WWC2: variants seen among roughly 807,000 people sequenced by gnomAD.
The protein encoded by WWC2 is protein WWC2.
Under a neutral mutation model 138.5 loss-of-function variants are expected in WWC2, and 101 were observed. That is an observed-to-expected ratio of 0.73 (90% confidence interval 0.62 to 0.86). WWC2 has a LOEUF of 0.86. WWC2 is among the 40% of genes least tolerant of loss of function. WWC2 has a pLI of 0.00. For synonymous variants in WWC2, 558 were observed against 538.4 expected (o/e 1.04, Z -0.50); for missense variants, 1,420 against 1,419.4 (o/e 1.00, Z -0.01).
At chr4:183,196,874 G>A (rs1022710557) in intron 2 of WWC2, among the ~76,000 whole-genome samples, 1 of 152,160 alleles carries the variant, frequency 6.6e-6, no homozygotes, top group African/African-American at 2.4e-5. Flanking sequence ...CATTCTGGTC[G>A]AGTGCCCCAT....
intron 9 of WWC2, among the ~76,000 whole-genome samples, chr4:183,258,117 C>T (rs1737207218): frequency 6.6e-6 from 1 of 152,292 alleles, no homozygotes. Context: ...TTAATAAAAG[C>T]AATATTGAGT....
intron 2 of WWC2, 33 bp downstream of exon 2, chr4:183,193,741 T>A (rs1471768511): frequency 6.5e-7 from 1 of 1,537,128 alleles, no homozygotes; most frequent in Non-Finnish European, 8.9e-7. Flanking sequence ...AGCAAACATA[T>A]CAGAAAAGTA....
chr4:183,211,403 T>A (rs1302448717), intron 4 of WWC2, among the ~76,000 whole-genome samples: 1 of 152,244 alleles, frequency 6.6e-6, no homozygotes, highest in African/African-American at 2.4e-5. Context: ...TGCACATTAA[T>A]GTGTAATTTT....
intron 1 of WWC2, among the ~76,000 whole-genome samples, chr4:183,159,192 A>G (rs1733888766): frequency 6.6e-6 from 1 of 152,218 alleles, no homozygotes. Context: ...AGCAGAACTG[A>G]TAGTAGTTCA....
intron 1 of WWC2, among the ~76,000 whole-genome samples, chr4:183,166,046 A>G (rs367988553): frequency 4.6e-5 from 7 of 152,196 alleles, no homozygotes; most frequent in African/African-American, 1.7e-4. Flanking sequence ...CCTGTAATGT[A>G]ATAAATTGAG....
At chr4:183,106,160 T>A (rs1487932296) in intron 1 of WWC2, among the ~76,000 whole-genome samples, 1 of 152,018 alleles carries the variant, frequency 6.6e-6, no homozygotes, top group Non-Finnish European at 1.5e-5. Context: ...GTTTTTGTAT[T>A]TTTAATAGAG....
chr4:183,175,908 C>T (rs1323748963), intron 1 of WWC2, among the ~76,000 whole-genome samples: 4 of 152,232 alleles, frequency 2.6e-5, no homozygotes, highest in African/African-American at 9.6e-5. Context: ...TATTTGTCTT[C>T]ACTGTGATGA....
At chr4:183,286,378 A>C (rs1250806843) in intron 20 of WWC2, among the ~76,000 whole-genome samples, 2 of 152,190 alleles carry the variant, frequency 1.3e-5, no homozygotes, top group African/African-American at 4.8e-5. Flanking sequence ...ATGACTCTGC[A>C]TACCATGTCC....
intron 8 of WWC2, among the ~76,000 whole-genome samples, chr4:183,252,785 G>A (rs554585334): frequency 2.0e-5 from 3 of 152,304 alleles, no homozygotes; most frequent in African/African-American, 7.2e-5. Context: ...CTGATGGGGA[G>A]GAGACTCACA....
chr4:183,189,161 G>T (rs117031714), intron 1 of WWC2, among the ~76,000 whole-genome samples: 1 of 151,808 alleles, frequency 6.6e-6, no homozygotes, highest in Non-Finnish European at 1.5e-5. Context: ...TTGGCCAGGC[G>T]CAGTGGCTCA....
At chr4:183,185,449 C>T (rs977809895) in intron 1 of WWC2, among the ~76,000 whole-genome samples, 1 of 152,104 alleles carries the variant, frequency 6.6e-6, no homozygotes, top group African/African-American at 2.4e-5. Context: ...TTACAAATCA[C>T]GTAAAAAAGA....
intron 1 of WWC2, among the ~76,000 whole-genome samples, chr4:183,184,101 C>T (rs949762388): frequency 9.9e-5 from 15 of 152,174 alleles, no homozygotes; most frequent in African/African-American, 3.6e-4. Flanking sequence ...AGAACATTGT[C>T]ATCCTCCTCC....
In WWC2 at chr4:183,264,968, C is replaced by G; in HGVS notation, c.1910-10C>G. Reference sequence around the variant, plus strand: ...CATTCTGATTAGTGCTCTCACCCTCCCCTCCATAGATGTGGAAAAATCATT... The same window carrying G: ...CATTCTGATTAGTGCTCTCACCCTCGCCTCCATAGATGTGGAAAAATCATT... On this transcript the variant is annotated splice_polypyrimidine_tract_variant and intron_variant, in intron 11 of 22. Transcript: ENST00000403733. 1 of 1,609,556 alleles carries G rather than the reference C, an allele frequency of 6.2e-7. No homozygotes were observed. The highest frequency in any genetic ancestry group is 8.5e-7 in the Non-Finnish European group (1 of 1,177,712).
intron 1 of WWC2, among the ~76,000 whole-genome samples, chr4:183,174,550 C>G (rs1215322260): frequency 1.3e-5 from 2 of 152,152 alleles, no homozygotes; most frequent in Non-Finnish European, 2.9e-5. Context: ...TTAAAAAATC[C>G]CCTTTCTGCT....
chr4:183,162,685 G>T (rs992288918), intron 1 of WWC2, among the ~76,000 whole-genome samples: 2 of 152,018 alleles, frequency 1.3e-5, no homozygotes, highest in Non-Finnish European at 2.9e-5. Context: ...TGAGTCACGA[G>T]AAACTACCAT....
intron 1 of WWC2, among the ~76,000 whole-genome samples, chr4:183,166,355 A>G (rs899648920): frequency 6.6e-6 from 1 of 152,192 alleles, no homozygotes; most frequent in Admixed American, 6.5e-5. Flanking sequence ...ATGTCTGTCA[A>G]GTTCATTGCA....
chr4:183,235,927 C>T (rs1736410503), intron 4 of WWC2, among the ~76,000 whole-genome samples: 1 of 152,088 alleles, frequency 6.6e-6, no homozygotes, highest in Non-Finnish European at 1.5e-5. Flanking sequence ...GATTTTAAGA[C>T]TTCTATTTTA....
chr4:183,208,042 C>G lies in WWC2; in HGVS notation c.331C>G (p.Leu111Val). ...KDYLSVAQDA[L>V]RTQKELYHVK... is the part of the protein sequence containing the mutation. ...CTACCTCTCTGTGGCACAGGATGCC[C>G]TCCGGACACAGAAGGAACTGTACCA... The change falls in exon 3 of 23, where the codon CTC becomes GTC. Residue 111 changes from leucine (L) to valine (V), a missense_variant. Coordinates refer to ENST00000403733, the MANE Select transcript of WWC2 (RefSeq NM_024949.6). 1.2e-6 allele frequency: 2 copies of G among 1,613,842 alleles called. No homozygotes were observed. The highest frequency in any genetic ancestry group is 1.7e-6 in the Non-Finnish European group (2 of 1,179,810).
At chr4:183,103,638 C>CTTT (rs576659490) in intron 1 of WWC2, among the ~76,000 whole-genome samples, 13 of 120,288 alleles carry the variant, frequency 1.1e-4, no homozygotes, top group African/African-American at 4.0e-4. Flanking sequence ...TTGTGTTTCT[C>CTTT]TTTTTTTTTT....
Sources: allele counts gnomAD v4.1 joint callset (sites outside exome capture counted in the v4.1 genomes callset), GRCh38; gene constraint gnomAD v4.1.1; transcripts MANE v1.5; gene names NCBI Gene and HGNC (gene_info 2026-07-23, HGNC 2026-07-21).